Variants in SLC16A5 observed in about 807,000 individuals in gnomAD.
SLC16A5 encodes the protein solute carrier family 16 member 5, also known as monocarboxylate transporter 6.
A neutral mutation model predicts 33.2 loss-of-function variants in SLC16A5; 29 were observed. That is an observed-to-expected ratio of 0.87 (90% CI 0.65 to 1.19). The LOEUF is 1.19. Among genes scored for constraint, SLC16A5 ranks in the 50% most tolerant of loss-of-function variants. The probability of loss-of-function intolerance (pLI) is 0.00; values close to 1 mark genes in which losing one functional copy is unlikely to be tolerated. For missense variants in SLC16A5, 606 were observed against 678.2 expected (o/e 0.89, Z 1.18); for synonymous variants, 248 against 284.1 (o/e 0.87, Z 1.28).
chr17:75,092,526 C>G (rs1353762009), intron 2 of SLC16A5, among the ~76,000 whole-genome samples: 1 of 152,022 alleles, frequency 6.6e-6, no homozygotes, highest in Non-Finnish European at 1.5e-5. Context: ...GGGGTTTCAC[C>G]ACGTTGGCCA....
At position 75,098,708 on chromosome 17, in the gene SLC16A5, G is replaced by GTTTTTTT. The variant is rs2073752041; in HGVS notation, c.343+530_343+531insTTTTTTT. On this transcript the variant is annotated intron_variant, in intron 4 of 6. Transcript: ENST00000329783. Reference sequence around the variant, plus strand: ...ACAGGCTTTTTTTGTTTGTTTGTTTGTTTGTTTTTAATGGGAGAAATAACG... The same window carrying GTTTTTTT: ...ACAGGCTTTTTTTGTTTGTTTGTTTGTTTTTTTTTTGTTTTTAATGGGAGAAATAACG... Among the ~76,000 whole-genome samples the GTTTTTTT allele has an allele frequency of 3.3e-5, 5 of 152,156 alleles. No individual in the cohort carries two copies. In the South Asian group the frequency reaches 1.0e-3, roughly 32 times the overall value.
intron 1 of SLC16A5, 86 bp downstream of exon 1, chr17:75,088,130 G>C (rs2144971635): frequency 6.6e-6 from 1 of 152,652 alleles, no homozygotes; most frequent in African/African-American, 2.4e-5. Context: ...CCTCCTGCCA[G>C]GGCCCCAGGT....
Position 75,104,417 on chromosome 17 carries a change from T to C in SLC16A5, c.1364+237T>C, listed in dbSNP as rs2073838392. ...CTCTGAAGATGCCCTGAGAAACTCT[T>C]TTTTTTTTTTTTTTTTTTTGAGGCG... On this transcript the variant is annotated intron_variant, in intron 6 of 6. Coordinates refer to ENST00000329783, the MANE Select transcript of SLC16A5 (RefSeq NM_004695.4). 9 of 373,722 alleles carry C rather than the reference T, an allele frequency of 2.4e-5. No homozygotes were observed. In the South Asian group the frequency reaches 4.7e-4, roughly 19 times the overall value. The allele number at this position is 373,722 out of a possible 1,614,324, so 23.2% of individuals were successfully genotyped here.
chr17:75,095,438 AC>A (rs753634622), intron 3 of SLC16A5, among the ~76,000 whole-genome samples: 109 of 152,350 alleles, frequency 7.2e-4, no homozygotes, highest in Middle Eastern at 3.4e-3. Flanking sequence ...ATGTACACAT[AC>A]ACGTGTATGA....
chr17:75,103,191 A>C (rs1158865003), intron 5 of SLC16A5, among the ~76,000 whole-genome samples: 1 of 150,774 alleles, frequency 6.6e-6, no homozygotes, highest in Non-Finnish European at 1.5e-5. Context: ...TCCCTGCCTT[A>C]GTTTTTGTAT....
chr17:75,097,992 C>A, intron 3 of SLC16A5, 46 bp from the exon 4 acceptor site: 1 of 1,558,258 alleles, frequency 6.4e-7, no homozygotes, highest in Non-Finnish European at 8.6e-7. Context: ...TCCTCTCCCG[C>A]CACCTCCTCA....
intron 3 of SLC16A5, among the ~76,000 whole-genome samples, chr17:75,096,130 C>T (rs1056618391): frequency 1.3e-5 from 2 of 151,820 alleles, no homozygotes; most frequent in African/African-American, 4.9e-5. Context: ...TTTTTAAACA[C>T]GATGAATCAT....
At chr17:75,088,401 G>A (rs1269976932) in intron 1 of SLC16A5, among the ~76,000 whole-genome samples, 1 of 152,188 alleles carries the variant, frequency 6.6e-6, no homozygotes, top group African/African-American at 2.4e-5. Flanking sequence ...CGAGAGTACG[G>A]CATGAGGTCC....
rs866308338 is a variant in SLC16A5, at chr17:75,091,297, G to A, written c.-49+1993G>A. Among the ~76,000 whole-genome samples, 11 of 152,336 alleles carry A rather than the reference G, an allele frequency of 7.2e-5. No individual in the cohort carries two copies. The East Asian group carries it at 9.6e-4, about 13-fold the overall frequency. On this transcript the variant is annotated intron_variant, in intron 2 of 6. Coordinates refer to ENST00000329783, the MANE Select transcript of SLC16A5 (RefSeq NM_004695.4). ...ATCAGGTGGCGCCTGTGGCCTTTCC[G>A]TTTGCTGAGGGAACAGAAATCTTGG...
downstream of SLC16A5, among the ~76,000 whole-genome samples, chr17:75,109,115 C>T (rs1277109295): frequency 1.3e-5 from 2 of 152,140 alleles, no homozygotes; most frequent in Non-Finnish European, 2.9e-5. The surrounding 1 kb of genome is among the most constrained non-coding windows in gnomAD (Gnocchi z 5.0). Flanking sequence ...CCTGTAACCA[C>T]GAGCAATCTA....
chr17:75,101,735 A>C (rs1341449131), intron 5 of SLC16A5, among the ~76,000 whole-genome samples: 1 of 151,816 alleles, frequency 6.6e-6, no homozygotes, highest in Non-Finnish European at 1.5e-5. Flanking sequence ...GCCAGACTCA[A>C]GTGATCTTCC....
intron 2 of SLC16A5, among the ~76,000 whole-genome samples, chr17:75,092,461 A>T (rs577003421): frequency 2.7e-5 from 4 of 150,824 alleles, no homozygotes; most frequent in Non-Finnish European, 5.9e-5. Flanking sequence ...GGTTCAAGCG[A>T]TTCTCCTGCC....
chr17:75,105,506 C>T (rs1176582364), intron 6 of SLC16A5: 2 of 985,378 alleles, frequency 2.0e-6, no homozygotes, highest in South Asian at 4.7e-5. Flanking sequence ...GCTGGCTGGA[C>T]TCACCCCTGC....
intron 4 of SLC16A5, 134 bp from the exon 5 acceptor site, chr17:75,099,873 C>T (rs914032247): frequency 3.5e-6 from 3 of 850,916 alleles, no homozygotes; most frequent in Non-Finnish European, 5.3e-6. Flanking sequence ...ATGGTCAGTC[C>T]CCAGGGACTT....
intron 5 of SLC16A5, among the ~76,000 whole-genome samples, chr17:75,103,608 G>A (rs748839020): frequency 1.3e-5 from 2 of 152,178 alleles, no homozygotes; most frequent in Non-Finnish European, 2.9e-5. Context: ...GATTACAGGC[G>A]TGAGCCACCG....
At position 75,100,457 on chromosome 17, in the gene SLC16A5, G is replaced by A. The variant is rs1307331542; in HGVS notation, c.794G>A (p.Trp265Ter). ...PQVFLVPYAMWHSVDEQQAAL... is the reference protein window; with the variant it reads ...PQVFLVPYAM ...GTCTTCCTGGTGCCATATGCCATGT[G>A]GCACAGCGTGGACGAGCAGCAGGCA... The change falls in exon 5 of 7, where the codon TGG (tryptophan) becomes TAG (stop). Residue 265 changes from tryptophan (W) to a stop codon, truncating the protein, a stop_gained. Transcript: ENST00000329783. LOFTEE classifies it high-confidence loss of function. 3 of 1,614,130 alleles carry A rather than the reference G, an allele frequency of 1.9e-6. No individual in the cohort carries two copies. Among genetic ancestry groups the A allele is most frequent in the Non-Finnish European group, 2.5e-6 (3 of 1,180,058 alleles).
chr17:75,094,899 T>C (rs996464852), intron 3 of SLC16A5, among the ~76,000 whole-genome samples: 1 of 152,062 alleles, frequency 6.6e-6, no homozygotes, highest in Admixed American at 6.5e-5. Flanking sequence ...GACCCCAGCG[T>C]TGGGAGCAGG....
rs753926147 is a variant in SLC16A5 at position 75,100,186 on chromosome 17, T to C, written c.523T>C (p.Phe175Leu). Residue 175 changes from phenylalanine (F) to leucine (L), a missense_variant, in exon 5 of 7, where the codon TTC (phenylalanine) becomes CTC (leucine). Coordinates refer to ENST00000329783, the MANE Select transcript of SLC16A5 (RefSeq NM_004695.4). ...GGGCTGGAGGGGTACCTTCCTTGTC[T>C]TCGGCGGGATCTTTCTCCACTGCTG... is the stretch of plus-strand genomic sequence containing the variant. ...NLGWRGTFLV[F>L]GGIFLHCCIC... 6 of 1,614,132 alleles carry C rather than the reference T, an allele frequency of 3.7e-6. No homozygotes were observed. In the East Asian group the frequency reaches 1.3e-4, roughly 36 times the overall value.
At chr17:75,105,803 AG>A (rs1266144641) in intron 6 of SLC16A5, 76 bp from the exon 7 acceptor site, 51 of 1,465,664 alleles carry the variant, frequency 3.5e-5, no homozygotes, top group Non-Finnish European at 3.9e-5. Context: ...GCTCAGGTTC[AG>A]GATGTTGTTT....
Sources: gnomAD v4.1 joint callset for allele counts (sites outside exome capture counted in the v4.1 genomes callset) on GRCh38, gnomAD v4.1.1 for gene constraint, Gnocchi (gnomAD v3.1) non-coding constraint, MANE v1.5 for transcripts, NCBI Gene and HGNC (gene_info 2026-07-23, HGNC 2026-07-21) for gene names.